The following MAK variants were observed in gnomAD, a reference collection of about 807,000 sequenced individuals.
The protein encoded by MAK is male germ cell associated kinase, also known as serine/threonine-protein kinase MAK.
In MAK, 65 loss-of-function variants were observed where a neutral mutation model predicts 82.6. The ratio of observed to expected loss-of-function variants is 0.79; its 90% CI spans 0.64 to 0.97. The LOEUF (loss-of-function observed/expected upper bound fraction) is 0.97. MAK is among the 50% of genes least tolerant of loss of function. MAK has a pLI of 0.00. For synonymous variants in MAK, 250 were observed against 274.2 expected (o/e 0.91, Z 0.87); for missense variants, 703 against 780.2 (o/e 0.90, Z 1.18).
intron 1 of MAK, among the ~76,000 whole-genome samples, chr6:10,836,354 CA>C (rs1273293447): frequency 6.6e-6 from 1 of 152,192 alleles, no homozygotes; most frequent in African/African-American, 2.4e-5. Context: ...ACATTAATTA[CA>C]AAATCAACAG....
At position 10,800,468 on chromosome 6, in the gene MAK, TC is replaced by T. The variant is rs1159134058; in HGVS notation, c.831+1423del. Among the ~76,000 whole-genome samples, 1 of 152,164 alleles carries T rather than the reference TC, an allele frequency of 6.6e-6. No individual in the cohort carries two copies. The highest frequency in any genetic ancestry group is 1.5e-5 in the Non-Finnish European group (1 of 68,038). On this transcript the variant is annotated intron_variant, in intron 8 of 14. Coordinates refer to ENST00000354489, the MANE Select transcript of MAK (RefSeq NM_001242957.3). The surrounding 1 kb of genome is among the most constrained non-coding windows in gnomAD (Gnocchi z 4.2). ...CTATTATTTTTATACCCGTGTTTTTTCACCTTGAGATCAAATACACATGTAT... is the reference window on the plus strand; with the variant it reads ...CTATTATTTTTATACCCGTGTTTTTTACCTTGAGATCAAATACACATGTAT...
intron 13 of MAK, among the ~76,000 whole-genome samples, chr6:10,772,215 T>C (rs1370077343): frequency 1.3e-5 from 2 of 152,204 alleles, no homozygotes; most frequent in Admixed American, 1.3e-4. Context: ...TTTGGCTTAT[T>C]ATTTGAAGTA....
intron 8 of MAK, chr6:10,797,961 A>T: frequency 8.4e-7 from 1 of 1,188,150 alleles, no homozygotes; most frequent in South Asian, 1.6e-5. Flanking sequence ...GAATACTTCA[A>T]TGCCTAGCAC....
In MAK at chr6:10,773,022, C is replaced by T; in HGVS notation, c.1672+12G>A. ...AAGAACAAACTGCATTCATCTGACG[C>T]CCAGAAATTACCTTGTGGGTCCTCT... On this transcript the variant is annotated intron_variant, in intron 13 of 14. Coordinates refer to ENST00000354489, the MANE Select transcript of MAK (RefSeq NM_001242957.3). The T allele has an allele frequency of 2.6e-6, 4 of 1,510,558 alleles. No individual in the cohort carries two copies. The highest frequency in any genetic ancestry group is 3.6e-6 in the Non-Finnish European group (4 of 1,124,036). 93.6% of individuals were successfully genotyped at this position (1,510,558 alleles called of 1,614,324 possible).
intron 1 of MAK, among the ~76,000 whole-genome samples, chr6:10,835,735 G>A (rs1288739718): frequency 6.6e-6 from 1 of 152,172 alleles, no homozygotes; most frequent in Non-Finnish European, 1.5e-5. Flanking sequence ...GAATGGAAGA[G>A]GGAGCTGCCT....
At chr6:10,791,874 T>G in intron 9 of MAK, 27 bp from the exon 10 acceptor site, 1 of 1,612,774 alleles carries the variant, frequency 6.2e-7, no homozygotes, top group Non-Finnish European at 8.5e-7. Context: ...GTCATCATAA[T>G]CTTTAATCAT....
chr6:10,810,049 G>A lies in MAK; in HGVS notation c.359-1107C>T, dbSNP rs1050232618. On this transcript the variant is annotated intron_variant, in intron 5 of 14. Coordinates refer to ENST00000354489, the MANE Select transcript of MAK (RefSeq NM_001242957.3). ...GGAGGCGGAGGTTGCAGTGAGCTGA[G>A]ATCATGCCACCGCACTCCAGCCTGG... Among the ~76,000 whole-genome samples the A allele has an allele frequency of 2.1e-5, 3 of 141,792 alleles. No homozygotes were observed. The Admixed American group carries it at 2.3e-4, about 11-fold the overall frequency. 93.0% of individuals were successfully genotyped at this position (141,792 alleles called of 152,430 possible).
chr6:10,784,641 C>CTCGCCCACCCTCTGCACATA, intron 10 of MAK, 69 bp from the exon 11 acceptor site: 3 of 1,428,518 alleles, frequency 2.1e-6, no homozygotes, highest in Non-Finnish European at 9.9e-7. Flanking sequence ...CTCTGCACAT[C>CTCGCCCACCCTCTGCACATA]TCGCCCACCC....
chr6:10,818,082 C>T (rs1777630830), intron 3 of MAK, 111 bp from the exon 4 acceptor site: 1 of 579,288 alleles, frequency 1.7e-6, no homozygotes. Context: ...TCCATTTCTC[C>T]TGGGTTCATT....
In MAK at chr6:10,783,895, T is replaced by G. The variant is rs369306030; in HGVS notation, c.1465+529A>C. Among the ~76,000 whole-genome samples the G allele has an allele frequency of 7.7e-4, 117 of 152,210 alleles. 1 individual carries two copies. In the South Asian group the frequency reaches 0.024, roughly 31 times the overall value. On this transcript the variant is annotated intron_variant, in intron 11 of 14. Transcript: ENST00000354489. ...TTAGCCAGGCGTGGTGGCTCGCACCTGTAGTCCCAGCTACTCGGGAGGCTG... is the reference window on the plus strand; with the variant it reads ...TTAGCCAGGCGTGGTGGCTCGCACCGGTAGTCCCAGCTACTCGGGAGGCTG...
chr6:10,822,698 T>C (rs1178277738), intron 2 of MAK, among the ~76,000 whole-genome samples: 1 of 152,210 alleles, frequency 6.6e-6, no homozygotes, highest in East Asian at 1.9e-4. Context: ...CATTTATTAA[T>C]TCGTCAATAT....
rs1458159964 is a variant in MAK at position 10,793,464 on chromosome 6, GAAGAA to G, written c.1144-1622_1144-1618del. ...AAGCTGGGCAGAATGGGTAAACTGA[GAAGAA>G]AAAATACAGATTCAAAAATAATTAG... is the stretch of plus-strand genomic sequence containing the variant. On this transcript the variant is annotated intron_variant, in intron 9 of 14. Transcript: ENST00000354489. The surrounding 1 kb of genome is among the most constrained non-coding windows in gnomAD (Gnocchi z 4.6). Among the ~76,000 whole-genome samples the G allele has an allele frequency of 6.6e-6, 1 of 152,112 alleles. No individual in the cohort carries two copies. The highest frequency in any genetic ancestry group is 1.5e-5 in the Non-Finnish European group (1 of 68,020).
intron 14 of MAK, among the ~76,000 whole-genome samples, chr6:10,766,036 C>T (rs1256175083): frequency 6.6e-6 from 1 of 152,226 alleles, no homozygotes; most frequent in African/African-American, 2.4e-5. Context: ...GTCCCTCCTT[C>T]ACGCTTTCCT....
At position 10,764,342 on chromosome 6, in the gene MAK, A is replaced by G. The variant is rs1772197144; in HGVS notation, c.*110T>C. The G allele has an allele frequency of 2.4e-6, 3 of 1,224,838 alleles. No individual in the cohort carries two copies. The highest frequency in any genetic ancestry group is 3.4e-6 in the Non-Finnish European group (3 of 870,150). The allele number at this position is 1,224,838 out of a possible 1,614,324, so 75.9% of individuals were successfully genotyped here. A position where few individuals can be genotyped will look rare whatever the true frequency, so the allele number is the denominator to read the frequency against. ...TGCCCTTCCAAGTACCCACTTTTGC[A>G]TATTTCTTCCAGAACTCAGTAGAAA... On this transcript the variant is annotated 3_prime_UTR_variant, in exon 15 of 15. Transcript: ENST00000354489.
chr6:10,829,586 G>A (rs1008925333), intron 2 of MAK, among the ~76,000 whole-genome samples: 7 of 152,008 alleles, frequency 4.6e-5, no homozygotes, highest in African/African-American at 1.7e-4. Context: ...AAACAAAAAC[G>A]AAAACCAACA....
chr6:10,762,888 A>G lies in MAK; in HGVS notation c.*1564T>C, dbSNP rs894603470. The G allele has an allele frequency of 6.6e-6, 1 of 152,640 alleles. No homozygotes were observed. Among genetic ancestry groups the G allele is most frequent in the African/African-American group, 2.4e-5 (1 of 41,436 alleles). The allele number at this position is 152,640 out of a possible 1,614,324, so 9.5% of individuals were successfully genotyped here. A position where few individuals can be genotyped will look rare whatever the true frequency, so the allele number is the denominator to read the frequency against. ...ACATTTTTCAACATCTTACATCTGA[A>G]CAGTTGACTCTTCTATACAAAAATA... On this transcript the variant is annotated 3_prime_UTR_variant, in exon 15 of 15. Coordinates refer to ENST00000354489, the MANE Select transcript of MAK (RefSeq NM_001242957.3).
intron 9 of MAK, among the ~76,000 whole-genome samples, chr6:10,794,242 C>T (rs1775322401): frequency 6.6e-6 from 1 of 152,094 alleles, no homozygotes; most frequent in Admixed American, 6.6e-5. Context: ...TCCCCAGGAC[C>T]CCAGAGGTGG....
chr6:10,826,244 A>AC (rs1441627215), intron 2 of MAK, among the ~76,000 whole-genome samples: 73 of 78,308 alleles, frequency 9.3e-4, no homozygotes, highest in African/African-American at 3.2e-3. Flanking sequence ...ATTTCCCCCC[A>AC]CCCCCCCTTT....
chr6:10,818,601 A>G (rs569010513), intron 3 of MAK, among the ~76,000 whole-genome samples: 1 of 135,072 alleles, frequency 7.4e-6, no homozygotes, highest in South Asian at 2.5e-4. Context: ...GTGACAGAGT[A>G]AGACTCTGTC....
Sources: gnomAD v4.1 joint callset for allele counts (sites outside exome capture counted in the v4.1 genomes callset) on GRCh38, gnomAD v4.1.1 for gene constraint, Gnocchi (gnomAD v3.1) non-coding constraint, MANE v1.5 for transcripts, NCBI Gene and HGNC (gene_info 2026-07-23, HGNC 2026-07-21) for gene names.